The following ZNF277 variants were observed in gnomAD, a reference collection of about 807,000 sequenced individuals.
ZNF277 encodes the protein nuclear receptor-interacting factor 4.
A neutral mutation model predicts 60.7 loss-of-function variants in ZNF277; 55 were observed. The observed-to-expected ratio is 0.91, with a 90% confidence interval of 0.73 to 1.13. The LOEUF (loss-of-function observed/expected upper bound fraction) is 1.13. Among genes scored for constraint, ZNF277 ranks in the 50% most tolerant of loss-of-function variants. The pLI is 0.00. For missense variants in ZNF277, 510 were observed against 523.0 expected (o/e 0.98, Z 0.24); for synonymous variants, 178 against 179.3 (o/e 0.99, Z 0.06).
Position 112,282,174 on chromosome 7 carries a change from C to G in ZNF277, c.92-4699C>G, listed in dbSNP as rs372160859. On this transcript the variant is annotated intron_variant, in intron 1 of 11. Coordinates refer to ENST00000361822, the MANE Select transcript of ZNF277 (RefSeq NM_021994.3). ...TTAGTCCTTGACCTTAAGGAGTTCA[C>G]AGACTAGCACAGTAATAGAGGTATA... 1.9e-3 allele frequency among the ~76,000 whole-genome samples: 288 copies of G among 152,370 alleles called. 4 individuals are homozygous for G. In the South Asian group the frequency reaches 0.022, roughly 11 times the overall value.
At chr7:112,286,443 C>G (rs912659775) in intron 1 of ZNF277, among the ~76,000 whole-genome samples, 1 of 152,202 alleles carries the variant, frequency 6.6e-6, no homozygotes, top group African/African-American at 2.4e-5. Flanking sequence ...CTGGCATCAT[C>G]TGTCGCCTTA....
At chr7:112,287,510 T>C (rs1792099900) in intron 2 of ZNF277, 1 of 151,668 alleles carries the variant, frequency 6.6e-6, no homozygotes, top group Non-Finnish European at 1.5e-5. Context: ...ACTTTACAAC[T>C]CTTTTGTACT....
chr7:112,342,427 GTA>G, intron 11 of ZNF277, 132 bp from the exon 12 acceptor site: 2 of 657,394 alleles, frequency 3.0e-6, no homozygotes, highest in Non-Finnish European at 4.7e-6. Context: ...GTTGTCTCCA[GTA>G]TAGCCTTTGC....
chr7:112,334,059 A>AT (rs752990299), intron 7 of ZNF277, among the ~76,000 whole-genome samples: 2 of 152,220 alleles, frequency 1.3e-5, no homozygotes, highest in Non-Finnish European at 2.9e-5. Flanking sequence ...AAAGCCACTT[A>AT]TAACAAAAGT....
intron 2 of ZNF277, among the ~76,000 whole-genome samples, chr7:112,295,386 G>A (rs10252741): frequency 0.3 from 45,320 of 151,868 alleles, 8,279 homozygotes; most frequent in African/African-American, 0.52. Context: ...GAATTTTTCT[G>A]TCTTGTTATA....
intron 4 of ZNF277, among the ~76,000 whole-genome samples, chr7:112,309,506 C>G (rs530583667): frequency 6.8e-4 from 104 of 152,076 alleles, no homozygotes; most frequent in African/African-American, 2.4e-3. Context: ...ACCGTTTTCA[C>G]TGAGTTTGAG....
At chr7:112,235,909 C>CCTAAAG (rs1790771051) in intron 1 of ZNF277, among the ~76,000 whole-genome samples, 1 of 151,852 alleles carries the variant, frequency 6.6e-6, no homozygotes, top group Non-Finnish European at 1.5e-5. Context: ...TAGTTTTGCT[C>CCTAAAG]TTACATGTAG....
At chr7:112,309,556 G>C (rs1439387987) in intron 4 of ZNF277, among the ~76,000 whole-genome samples, 1 of 151,774 alleles carries the variant, frequency 6.6e-6, no homozygotes, top group African/African-American at 2.4e-5. Flanking sequence ...TTTAAGGCTT[G>C]ATATTGGAAA....
At chr7:112,285,677 G>A (rs932634808) in intron 1 of ZNF277, among the ~76,000 whole-genome samples, 1 of 151,054 alleles carries the variant, frequency 6.6e-6, no homozygotes, top group African/African-American at 2.4e-5. Context: ...CTCATGATCC[G>A]CCCACCTCGG....
chr7:112,312,766 A>T (rs1200478197), intron 4 of ZNF277, among the ~76,000 whole-genome samples: 1 of 152,106 alleles, frequency 6.6e-6, no homozygotes, highest in Non-Finnish European at 1.5e-5. Context: ...AAGTTTAGGG[A>T]TAGCTACCTG....
At chr7:112,225,832 G>A (rs1822159685) in intron 1 of ZNF277, among the ~76,000 whole-genome samples, 1 of 152,000 alleles carries the variant, frequency 6.6e-6, no homozygotes, top group Non-Finnish European at 1.5e-5. Flanking sequence ...TATGTTTTTA[G>A]GGACAGTATT....
chr7:112,309,041 A>G (rs1792663818), intron 4 of ZNF277, among the ~76,000 whole-genome samples: 1 of 151,996 alleles, frequency 6.6e-6, no homozygotes, highest in Non-Finnish European at 1.5e-5. Flanking sequence ...CCCCAGGTAT[A>G]AGAGAGGGTA....
intron 5 of ZNF277, among the ~76,000 whole-genome samples, chr7:112,326,014 C>G (rs1793084181): frequency 6.7e-6 from 1 of 149,348 alleles, no homozygotes; most frequent in East Asian, 1.9e-4. Flanking sequence ...GGCCTCTCAT[C>G]TCGTAACTCA....
At chr7:112,264,667 A>G (rs1244409589) in intron 1 of ZNF277, among the ~76,000 whole-genome samples, 1 of 152,204 alleles carries the variant, frequency 6.6e-6, no homozygotes, top group Admixed American at 6.6e-5. Context: ...GAAATATACA[A>G]GTATACCTCA....
rs1791143466 is a variant in ZNF277 at position 112,249,050 on chromosome 7, C to T, written c.92-37823C>T. Among the ~76,000 whole-genome samples, 3 of 152,188 alleles carry T rather than the reference C, an allele frequency of 2.0e-5. No individual in the cohort carries two copies. In the South Asian group the frequency reaches 6.2e-4, roughly 32 times the overall value. On this transcript the variant is annotated intron_variant, in intron 1 of 11. Transcript: ENST00000361822. ...CCTGTACTGTTAACTCCAAATTCTA[C>T]ATGTCTAGACTTGACTTCACATTCT...
chr7:112,312,407 G>T (rs896958629), intron 4 of ZNF277, among the ~76,000 whole-genome samples: 1 of 151,928 alleles, frequency 6.6e-6, no homozygotes, highest in Non-Finnish European at 1.5e-5. Context: ...GTATTATCTG[G>T]ACACTACAAG....
intron 1 of ZNF277, among the ~76,000 whole-genome samples, chr7:112,249,355 G>A (rs1376951805): frequency 1.3e-5 from 2 of 152,116 alleles, no homozygotes; most frequent in Admixed American, 6.6e-5. Flanking sequence ...AAAATTAGGG[G>A]TTCCCTCTTA....
At chr7:112,329,383 T>A (rs1793173918) in intron 6 of ZNF277, among the ~76,000 whole-genome samples, 1 of 152,196 alleles carries the variant, frequency 6.6e-6, no homozygotes, top group African/African-American at 2.4e-5. Context: ...TGGTAATCAC[T>A]GCTTCATTAG....
At chr7:112,217,874 C>G (rs1039801158) in intron 1 of ZNF277, among the ~76,000 whole-genome samples, 2 of 152,116 alleles carry the variant, frequency 1.3e-5, no homozygotes, top group African/African-American at 2.4e-5. Context: ...TCAGCTGGTA[C>G]CACCGTATCA....
Sources: gnomAD v4.1 joint callset for allele counts (sites outside exome capture counted in the v4.1 genomes callset) on GRCh38, gnomAD v4.1.1 for gene constraint, MANE v1.5 for transcripts, NCBI Gene and HGNC (gene_info 2026-07-23, HGNC 2026-07-21) for gene names.